FLYWCH2: variants seen among roughly 807,000 people sequenced by gnomAD.
FLYWCH2 encodes FLYWCH family member 2.
Under a neutral mutation model 6.0 loss-of-function variants are expected in FLYWCH2, and 2 were observed. The observed-to-expected ratio is 0.33, with a 90% CI of 0.14 to 1.04. The LOEUF is 1.04. FLYWCH2 is among the 50% of genes least tolerant of loss of function. FLYWCH2 has a pLI of 0.45. For synonymous variants in FLYWCH2, 87 were observed against 79.3 expected, an observed-to-expected ratio of 1.10 and a Z score of -0.52; for missense variants, 192 against 183.4, an observed-to-expected ratio of 1.05 and a Z score of -0.27.
intron 1 of FLYWCH2, 150 bp downstream of exon 1, chr16:2,883,516 C>G (rs2069663777): frequency 6.5e-6 from 1 of 152,730 alleles, no homozygotes; most frequent in South Asian, 2.1e-4. Flanking sequence ...GGGTCTCCCG[C>G]GATTCCCTCT....
intron 1 of FLYWCH2, among the ~76,000 whole-genome samples, chr16:2,884,845 G>T (rs1017204173): frequency 1.1e-4 from 17 of 151,576 alleles, no homozygotes; most frequent in Middle Eastern, 6.8e-3. Flanking sequence ...CTGCACTCCA[G>T]CCTGGCCGAC....
At chr16:2,898,903 G>T in intron 3 of FLYWCH2, 146 bp from the exon 4 acceptor site, 1 of 547,486 alleles carries the variant, frequency 1.8e-6, no homozygotes, top group South Asian at 2.7e-5. Context: ...TCCCTGAGTG[G>T]CAGTCACTTC....
At chr16:2,883,678 C>T (rs1288535730) in intron 1 of FLYWCH2, among the ~76,000 whole-genome samples, 1 of 152,262 alleles carries the variant, frequency 6.6e-6, no homozygotes, top group Non-Finnish European at 1.5e-5. Context: ...CCCCCGCCGG[C>T]CTCGTCCCAC....
chr16:2,888,484 CA>C (rs76190008), intron 1 of FLYWCH2, among the ~76,000 whole-genome samples: 12,056 of 105,666 alleles, frequency 0.11, 455 homozygotes, highest in Middle Eastern at 0.18. Context: ...TCAGTTTCTC[CA>C]AAAAAAAAAA....
At chr16:2,886,100 C>T (rs2069694882) in intron 1 of FLYWCH2, among the ~76,000 whole-genome samples, 1 of 152,088 alleles carries the variant, frequency 6.6e-6, no homozygotes, top group African/African-American at 2.4e-5. Context: ...TGATGTTGAG[C>T]ATCTTCTCAT....
chr16:2,896,713 G>C lies in FLYWCH2; in HGVS notation c.264G>C (p.Gln88His). 6.2e-7 allele frequency: 1 copy of C among 1,612,412 alleles called. No homozygotes were observed. ...KALLQTHPEA[Q>H]RAIEAAPQEP... ...TCCTCCAGACCCACCCCGAGGCCCA[G>C]CGGGCCATTGAGGCAGCCCCTCAGG... Residue 88 changes from glutamine (Q) to histidine (H), a missense_variant, in exon 3 of 4, where the codon CAG (glutamine) becomes CAC (histidine). Gln to His is a conservative substitution (Grantham distance 24, BLOSUM62 0). Coordinates refer to ENST00000396958, the MANE Select transcript of FLYWCH2 (RefSeq NM_138439.3).
chr16:2,886,131 T>C (rs972255976), intron 1 of FLYWCH2, among the ~76,000 whole-genome samples: 1 of 152,178 alleles, frequency 6.6e-6, no homozygotes, highest in African/African-American at 2.4e-5. Flanking sequence ...TTTGTATATC[T>C]TCTTTAGAGA....
intron 1 of FLYWCH2, among the ~76,000 whole-genome samples, chr16:2,883,645 G>T (rs1375150342): frequency 6.6e-6 from 1 of 152,152 alleles, no homozygotes; most frequent in African/African-American, 2.4e-5. Flanking sequence ...CGCGCCCAGC[G>T]CTGCCTTCCC....
chr16:2,883,804 C>G, intron 1 of FLYWCH2, among the ~76,000 whole-genome samples: 1 of 152,170 alleles, frequency 6.6e-6, no homozygotes, highest in Non-Finnish European at 1.5e-5. Context: ...AGGAGAGAGC[C>G]GGGGAGCTGG....
chr16:2,897,470 G>A (rs2069836632), intron 3 of FLYWCH2, among the ~76,000 whole-genome samples: 2 of 152,170 alleles, frequency 1.3e-5, no homozygotes, highest in Admixed American at 1.3e-4. Context: ...CCTGTGCTTT[G>A]CTGTGGGAGT....
chr16:2,898,992 A>T, intron 3 of FLYWCH2, 57 bp from the exon 4 acceptor site: 1 of 1,445,698 alleles, frequency 6.9e-7, no homozygotes, highest in African/African-American at 1.4e-5. Context: ...CCCAACAGCC[A>T]AGCTGAGCCC....
At chr16:2,897,212 C>T (rs1020228000) in intron 3 of FLYWCH2, among the ~76,000 whole-genome samples, 1 of 152,174 alleles carries the variant, frequency 6.6e-6, no homozygotes, top group Non-Finnish European at 1.5e-5. Context: ...CACTGAACAG[C>T]AGCTGTGTGC....
At chr16:2,888,377 A>G (rs1031100636) in intron 1 of FLYWCH2, among the ~76,000 whole-genome samples, 4 of 148,564 alleles carry the variant, frequency 2.7e-5, no homozygotes, top group African/African-American at 1.0e-4. Context: ...ATATTTTGAG[A>G]TAGAGATGTG....
intron 2 of FLYWCH2, 125 bp from the exon 3 acceptor site, chr16:2,896,227 C>T (rs532034350): frequency 1.9e-5 from 11 of 569,182 alleles, no homozygotes; most frequent in Non-Finnish European, 3.3e-5. Flanking sequence ...TTCCATCAGG[C>T]CCCCTGTCAG....
At position 2,894,181 on chromosome 16, in the gene FLYWCH2, C is replaced by G. The variant is rs184241522; in HGVS notation, c.-199-1039C>G. ...ATGGCTGCTGGCCTGGAGGAGGCTG[C>G]TAGGTCTGGGTCCCTGCCAGCCTTG... is the stretch of plus-strand genomic sequence containing the variant. On this transcript the variant is annotated intron_variant, in intron 1 of 3. Coordinates refer to ENST00000396958, the MANE Select transcript of FLYWCH2 (RefSeq NM_138439.3). Among the ~76,000 whole-genome samples the G allele has an allele frequency of 3.5e-3, 531 of 152,214 alleles. 3 individuals carry two copies. Among genetic ancestry groups the G allele is most frequent in the Non-Finnish European group, 3.8e-3 (257 of 68,002 alleles).
At chr16:2,883,867 G>T (rs2069668063) in intron 1 of FLYWCH2, among the ~76,000 whole-genome samples, 1 of 152,252 alleles carries the variant, frequency 6.6e-6, no homozygotes, top group African/African-American at 2.4e-5. Flanking sequence ...ATTGGGTAAA[G>T]GAGTGAAATA....
intron 1 of FLYWCH2, among the ~76,000 whole-genome samples, chr16:2,887,342 G>GTTTT (rs2069710533): frequency 1.1e-4 from 15 of 133,574 alleles, no homozygotes; most frequent in South Asian, 2.3e-4. Context: ...TGTATTTTTA[G>GTTTT]TAGAGATGAG....
chr16:2,883,795 G>A (rs1264135878), intron 1 of FLYWCH2, among the ~76,000 whole-genome samples: 1 of 152,258 alleles, frequency 6.6e-6, no homozygotes, highest in Admixed American at 6.5e-5. Context: ...TCTTGAGAGA[G>A]GAGAGAGCCG....
At chr16:2,884,579 A>AAAAAAAAAAAAAAG (rs1285185165) in intron 1 of FLYWCH2, among the ~76,000 whole-genome samples, 1 of 137,752 alleles carries the variant, frequency 7.3e-6, no homozygotes, top group Admixed American at 7.2e-5. Context: ...AAAAAAAAAT[A>AAAAAAAAAAAAAAG]CAAAAATTAG....
Sources: gnomAD v4.1 joint callset for allele counts (sites outside exome capture counted in the v4.1 genomes callset) on GRCh38, gnomAD v4.1.1 for gene constraint, MANE v1.5 for transcripts, NCBI Gene and HGNC (gene_info 2026-07-23, HGNC 2026-07-21) for gene names.